SLC25A31: variants seen among roughly 807,000 people sequenced by gnomAD.
SLC25A31 encodes the protein solute carrier family 25 member 31.
In SLC25A31, 40 loss-of-function variants were observed where a neutral mutation model predicts 36.2. The observed-to-expected ratio is 1.10, with a 90% confidence interval of 0.86 to 1.44. SLC25A31 has a LOEUF of 1.44. Among genes scored for constraint, SLC25A31 ranks in the 40% most tolerant of loss-of-function variants. The pLI is 0.00. For synonymous variants in SLC25A31, 143 were observed against 149.7 expected, an observed-to-expected ratio of 0.96 and a Z score of 0.32; for missense variants, 350 against 397.1, an observed-to-expected ratio of 0.88 and a Z score of 1.01.
At chr4:127,748,544 A>G (rs372828267) in intron 2 of SLC25A31, among the ~76,000 whole-genome samples, 8 of 152,198 alleles carry the variant, frequency 5.3e-5, no homozygotes, top group Admixed American at 1.3e-4. Flanking sequence ...CCTACCATCA[A>G]TGAAACGTGC....
At position 127,730,553 on chromosome 4, in the gene SLC25A31, G is replaced by A. The variant is rs755877465; in HGVS notation, c.8G>A (p.Arg3His). MHREPAKKKAEKR... is the reference protein window; with the variant it reads MHHEPAKKKAEKR... ...TTTATATCCTTCTCCATCATGCATCGTGAGCCTGCGAAAAAGAAGGCAGAA... is the reference window on the plus strand; with the variant it reads ...TTTATATCCTTCTCCATCATGCATCATGAGCCTGCGAAAAAGAAGGCAGAA... Residue 3 changes from arginine to histidine, a missense_variant, in exon 1 of 6, where the codon CGT becomes CAT. Physicochemically the swap from Arg to His is conservative, Grantham distance 29 (BLOSUM62 0). Transcript: ENST00000281154. 6.2e-6 allele frequency: 10 copies of A among 1,613,578 alleles called. No individual in the cohort carries two copies. In the East Asian group the frequency reaches 1.6e-4, roughly 25 times the overall value.
intron 2 of SLC25A31, among the ~76,000 whole-genome samples, chr4:127,745,726 G>T (rs1731812940): frequency 6.6e-6 from 1 of 152,114 alleles, no homozygotes; most frequent in African/African-American, 2.4e-5. Context: ...AGGGGGCACA[G>T]GTAGAAAGGT....
At chr4:127,731,267 A>G (rs1046594297) in intron 1 of SLC25A31, among the ~76,000 whole-genome samples, 2 of 152,172 alleles carry the variant, frequency 1.3e-5, no homozygotes, top group Admixed American at 6.5e-5. Context: ...ATATGGGAGC[A>G]CTAGGGCTTA....
chr4:127,763,578 A>G (rs1732182856), intron 2 of SLC25A31, among the ~76,000 whole-genome samples: 2 of 152,198 alleles, frequency 1.3e-5, no homozygotes, highest in African/African-American at 2.4e-5. Context: ...AAAAGTAATT[A>G]TACTTCTTCA....
chr4:127,770,376 C>G (rs1231591712), intron 5 of SLC25A31, among the ~76,000 whole-genome samples: 1 of 152,136 alleles, frequency 6.6e-6, no homozygotes, highest in Non-Finnish European at 1.5e-5. Context: ...CCTGTAATCC[C>G]AACACTTTGG....
intron 1 of SLC25A31, among the ~76,000 whole-genome samples, chr4:127,739,864 A>C (rs1280766945): frequency 1.3e-5 from 2 of 151,824 alleles, no homozygotes; most frequent in Non-Finnish European, 2.9e-5. Flanking sequence ...GGTCCAGTCA[A>C]TTGATAATTT....
At chr4:127,749,708 C>CAAAAAAAAAAAAAAAAAAAAAAAAAAAA (rs34540386) in intron 2 of SLC25A31, among the ~76,000 whole-genome samples, 1 of 106,160 alleles carries the variant, frequency 9.4e-6, no homozygotes, top group African/African-American at 3.6e-5. Context: ...GACTCCATCT[C>CAAAAAAAAAAAAAAAAAAAAAAAAAAAA]AAAAAAAAAA....
chr4:127,744,291 A>C (rs554249363), intron 1 of SLC25A31, among the ~76,000 whole-genome samples: 1 of 152,212 alleles, frequency 6.6e-6, no homozygotes, highest in Non-Finnish European at 1.5e-5. Flanking sequence ...GATTTATTCT[A>C]TCATACTCAT....
At chr4:127,772,294 A>G (rs907021593) in intron 5 of SLC25A31, among the ~76,000 whole-genome samples, 2 of 152,182 alleles carry the variant, frequency 1.3e-5, no homozygotes, top group Non-Finnish European at 2.9e-5. Context: ...CTGTTGGTAA[A>G]TTATACTTTT....
intron 2 of SLC25A31, among the ~76,000 whole-genome samples, chr4:127,745,854 T>C (rs1292091789): frequency 6.6e-6 from 1 of 152,172 alleles, no homozygotes; most frequent in Non-Finnish European, 1.5e-5. Flanking sequence ...GTTTGCTTTA[T>C]AGGTAATCTC....
intron 2 of SLC25A31, among the ~76,000 whole-genome samples, chr4:127,763,794 G>A (rs1203804824): frequency 6.6e-6 from 1 of 152,136 alleles, no homozygotes; most frequent in South Asian, 2.1e-4. Context: ...AGTAATTGCA[G>A]TTTTTTGCCA....
At chr4:127,739,973 A>T (rs2148754419) in intron 1 of SLC25A31, among the ~76,000 whole-genome samples, 1 of 152,064 alleles carries the variant, frequency 6.6e-6, no homozygotes, top group South Asian at 2.1e-4. Flanking sequence ...CATTTCCCAG[A>T]TTACTCTAGA....
chr4:127,744,401 A>G (rs750692191), intron 1 of SLC25A31, among the ~76,000 whole-genome samples: 1 of 152,328 alleles, frequency 6.6e-6, no homozygotes, highest in East Asian at 1.9e-4. Flanking sequence ...CTGTTTATCT[A>G]CTAGTAAAGA....
chr4:127,761,132 C>G lies in SLC25A31; in HGVS notation c.361-3111C>G, dbSNP rs368354089. The stretch of plus-strand genomic sequence containing the variant: ...GCAGATTCTTACTGCCTTTCTCCCT[C>G]TATTTCTGTCCTTCCTACCGTCACT... On this transcript the variant is annotated intron_variant, in intron 2 of 5. Transcript: ENST00000281154. 5.9e-5 allele frequency among the ~76,000 whole-genome samples: 9 copies of G among 152,288 alleles called. No homozygotes were observed. In the East Asian group the frequency reaches 1.5e-3, roughly 26 times the overall value.
chr4:127,760,864 C>G (rs557410218), intron 2 of SLC25A31, among the ~76,000 whole-genome samples: 1 of 152,158 alleles, frequency 6.6e-6, no homozygotes, highest in Admixed American at 6.5e-5. Context: ...ATGGTGAAAC[C>G]CCGTCTCTAC....
At chr4:127,742,264 G>A (rs964488175) in intron 1 of SLC25A31, among the ~76,000 whole-genome samples, 5 of 152,060 alleles carry the variant, frequency 3.3e-5, no homozygotes, top group Non-Finnish European at 5.9e-5. Context: ...TGAGAAACTC[G>A]TATTTGTCAT....
intron 2 of SLC25A31, among the ~76,000 whole-genome samples, chr4:127,753,814 AG>A (rs2148759496): frequency 6.6e-6 from 1 of 152,278 alleles, no homozygotes; most frequent in East Asian, 1.9e-4. Flanking sequence ...TCATTTTATG[AG>A]GTCAGCATTA....
rs1228732767 is a variant in SLC25A31 at position 127,772,844 on chromosome 4, T to A, written c.760-542T>A. 8.6e-5 allele frequency among the ~76,000 whole-genome samples: 13 copies of A among 150,930 alleles called. 1 individual carries two copies. Reference sequence around the variant, plus strand: ...TCACTTAGGCTAGAGTGCAATGGTGTGATCATGGCTCACTGCAACTTTGAC... The same window carrying A: ...TCACTTAGGCTAGAGTGCAATGGTGAGATCATGGCTCACTGCAACTTTGAC... On this transcript the variant is annotated intron_variant, in intron 5 of 5. Transcript: ENST00000281154.
chr4:127,773,480 T>C lies in SLC25A31; in HGVS notation c.854T>C (p.Phe285Ser), dbSNP rs555215338. ...ATCAGTTCCTTTTTTCGTGGCGCCT[T>C]CTCCAATGTTCTTCGCGGTACAGGG... is the stretch of plus-strand genomic sequence containing the variant. ...EGISSFFRGA[F>S]SNVLRGTGGA... Residue 285 changes from phenylalanine to serine, a missense_variant, in exon 6 of 6, where the codon TTC becomes TCC. Physicochemically the swap from Phe to Ser is radical, Grantham distance 155. Transcript: ENST00000281154. The C allele has an allele frequency of 6.2e-7, 1 of 1,614,124 alleles. No homozygotes were observed. Among genetic ancestry groups the C allele is most frequent in the South Asian group, 1.1e-5 (1 of 91,072 alleles).
Sources: gnomAD v4.1 joint callset for allele counts (sites outside exome capture counted in the v4.1 genomes callset) on GRCh38, gnomAD v4.1.1 for gene constraint, MANE v1.5 for transcripts, NCBI Gene and HGNC (gene_info 2026-07-23, HGNC 2026-07-21) for gene names.